RELCH: variants seen among roughly 807,000 people sequenced by gnomAD.
RELCH encodes RAB11 binding and LisH domain, coiled-coil and HEAT repeat containing.
A neutral mutation model predicts 150.3 loss-of-function variants in RELCH; 41 were observed. That is an observed-to-expected ratio of 0.27 (90% CI 0.21 to 0.35). The LOEUF (loss-of-function observed/expected upper bound fraction) is 0.35. Ranked by LOEUF, RELCH falls within the 10% of genes least tolerant of loss-of-function variation. RELCH has a pLI of 1.00. For missense variants in RELCH, 1,092 were observed against 1,467.8 expected (o/e 0.74, Z 4.18); for synonymous variants, 478 against 531.8 (o/e 0.90, Z 1.39).
chr18:62,273,881 C>G lies in RELCH; in HGVS notation c.2761-99C>G. On this transcript the variant is annotated intron_variant, in intron 20 of 28. Coordinates refer to ENST00000644646, the MANE Select transcript of RELCH (RefSeq NM_001346231.2). ...ATAGCTTCCAAATTTGGATATTTTC[C>G]CCTTATTTGGTAACATTTTCTAATT... 4 of 720,480 alleles carry G rather than the reference C, an allele frequency of 5.6e-6. No individual in the cohort carries two copies. In the South Asian group the frequency reaches 7.1e-5, roughly 13 times the overall value. 44.6% of individuals were successfully genotyped at this position (720,480 alleles called of 1,614,324 possible). A position where few individuals can be genotyped will look rare whatever the true frequency, so the allele number is the denominator to read the frequency against.
At chr18:62,222,233 G>A (rs1218611697) in intron 5 of RELCH, among the ~76,000 whole-genome samples, 1 of 151,930 alleles carries the variant, frequency 6.6e-6, no homozygotes, top group Non-Finnish European at 1.5e-5. Context: ...AGATAGTTCA[G>A]TTAACCCCTC....
In RELCH at chr18:62,229,518, G is replaced by GTGTGTGTCTGTC. The variant is rs539055675; in HGVS notation, c.1448+923_1448+924insGTGTCTGTCTGT. ...TGTGTGTGTGTGTGTGTGTGTGTGT[G>GTGTGTGTCTGTC]TGTCTGTCTGTCTGTCTGTCTGTGT... On this transcript the variant is annotated intron_variant, in intron 8 of 28. Coordinates refer to ENST00000644646, the MANE Select transcript of RELCH (RefSeq NM_001346231.2). Among the ~76,000 whole-genome samples, 83 of 147,726 alleles carry GTGTGTGTCTGTC rather than the reference G, an allele frequency of 5.6e-4. No homozygotes were observed. The Middle Eastern group carries it at 0.01, about 19-fold the overall frequency.
intron 11 of RELCH, among the ~76,000 whole-genome samples, chr18:62,248,690 A>G (rs541956998): frequency 1.3e-5 from 2 of 152,362 alleles, no homozygotes; most frequent in South Asian, 4.1e-4. Context: ...TTATAAAAAA[A>G]TAAAATATTT....
At chr18:62,304,062 T>C (rs1306085569) in intron 28 of RELCH, among the ~76,000 whole-genome samples, 1 of 152,070 alleles carries the variant, frequency 6.6e-6, no homozygotes, top group Non-Finnish European at 1.5e-5. Context: ...GAGAGGAAAA[T>C]AGTAGAACCA....
intron 1 of RELCH, among the ~76,000 whole-genome samples, chr18:62,203,613 A>AGGCCCT (rs966840507): frequency 6.6e-6 from 1 of 152,216 alleles, no homozygotes; most frequent in Admixed American, 6.5e-5. Flanking sequence ...TGCTATGTAC[A>AGGCCCT]CTTATTTTGG....
intron 5 of RELCH, among the ~76,000 whole-genome samples, chr18:62,225,849 G>A (rs73458504): frequency 0.1 from 15,197 of 151,502 alleles, 905 homozygotes; most frequent in East Asian, 0.19. Context: ...GCCAAGCACT[G>A]TGTTAAGGCT....
At chr18:62,198,211 C>G (rs2039176577) in intron 1 of RELCH, among the ~76,000 whole-genome samples, 1 of 152,200 alleles carries the variant, frequency 6.6e-6, no homozygotes, top group African/African-American at 2.4e-5. Context: ...CTGGGCAAAG[C>G]CCAGGATCAA....
At chr18:62,219,325 C>CTTTTTTTTTTTTTTTTCT (rs2040690251) in intron 2 of RELCH, among the ~76,000 whole-genome samples, 2 of 112,874 alleles carry the variant, frequency 1.8e-5, no homozygotes, top group African/African-American at 3.4e-5. Context: ...TTCTTTTTTT[C>CTTTTTTTTTTTTTTTTCT]TTTTTTTTTT....
At chr18:62,219,271 G>A (rs1040614193) in intron 2 of RELCH, among the ~76,000 whole-genome samples, 1 of 145,562 alleles carries the variant, frequency 6.9e-6, no homozygotes, top group African/African-American at 2.5e-5. Context: ...TTCACCAATT[G>A]CATTTTGAGT....
chr18:62,298,742 AT>A (rs1270862009), intron 27 of RELCH, 47 bp from the exon 28 acceptor site: 1 of 867,760 alleles, frequency 1.2e-6, no homozygotes, highest in Non-Finnish European at 1.9e-6. Flanking sequence ...AAACCATAGT[AT>A]TTTACTATGT....
At chr18:62,302,598 G>A (rs2045712670) in intron 28 of RELCH, among the ~76,000 whole-genome samples, 1 of 152,112 alleles carries the variant, frequency 6.6e-6, no homozygotes, top group African/African-American at 2.4e-5. Flanking sequence ...TCGGCTCACT[G>A]CAACCTCCGC....
intron 10 of RELCH, among the ~76,000 whole-genome samples, chr18:62,233,745 T>G (rs1185747328): frequency 6.6e-6 from 1 of 151,948 alleles, no homozygotes; most frequent in Non-Finnish European, 1.5e-5. Flanking sequence ...TTTACTGTAT[T>G]TCCTTAATAT....
chr18:62,242,519 G>A lies in RELCH; in HGVS notation c.1621-2245G>A, dbSNP rs140708411. ...TTTGTGCATTAATCTTAATTCCTACGTGTTTCACTTGAAGAAACTGAAAGA... is the reference window on the plus strand; with the variant it reads ...TTTGTGCATTAATCTTAATTCCTACATGTTTCACTTGAAGAAACTGAAAGA... On this transcript the variant is annotated intron_variant, in intron 10 of 28. Transcript: ENST00000644646. 1.9e-3 allele frequency among the ~76,000 whole-genome samples: 288 copies of A among 152,170 alleles called. 2 individuals are homozygous for A. The highest frequency in any genetic ancestry group is 5.3e-3 in the African/African-American group (218 of 41,522).
chr18:62,196,069 T>G (rs1422065520), intron 1 of RELCH, among the ~76,000 whole-genome samples: 8 of 152,138 alleles, frequency 5.3e-5, no homozygotes, highest in African/African-American at 1.9e-4. Context: ...ATGCTCGGTG[T>G]TCCTTTCTTA....
At chr18:62,232,086 C>T (rs1049510981) in intron 9 of RELCH, among the ~76,000 whole-genome samples, 1 of 151,836 alleles carries the variant, frequency 6.6e-6, no homozygotes, top group Non-Finnish European at 1.5e-5. Flanking sequence ...TTGGCTTCAC[C>T]CTTGATTTTA....
Position 62,287,402 on chromosome 18 carries a change from T to C in RELCH, c.3305T>C (p.Val1102Ala), listed in dbSNP as rs909610887. Residue 1102 changes from valine (V) to alanine (A), a missense_variant, in exon 26 of 29, where the codon GTG becomes GCG. By Grantham distance (64) the Val-to-Ala change is moderately conservative. Around this residue, in one of 4 missense-constraint regions of RELCH, gnomAD observed 707 missense variants for 1,025.4 expected, o/e 0.69. Coordinates refer to ENST00000644646, the MANE Select transcript of RELCH (RefSeq NM_001346231.2). ...GCCTTGGTGAACAACTTACAGATTG[T>C]GGATTCTAAAAGACTGGACATTGCT... The part of the protein sequence containing the change: ...KLALVNNLQI[V>A]DSKRLDIATH... 1.6e-5 allele frequency: 25 copies of C among 1,610,912 alleles called. No individual in the cohort carries two copies. Among genetic ancestry groups the C allele is most frequent in the Non-Finnish European group, 1.9e-5 (22 of 1,177,894 alleles).
intron 22 of RELCH, among the ~76,000 whole-genome samples, chr18:62,276,912 G>A (rs764194792): frequency 2.0e-5 from 3 of 152,010 alleles, no homozygotes; most frequent in Non-Finnish European, 4.4e-5. Flanking sequence ...TCGATATGCT[G>A]AAAAGGGGGC....
chr18:62,220,973 T>C, intron 2 of RELCH, 64 bp from the exon 3 acceptor site: 1 of 1,315,848 alleles, frequency 7.6e-7, no homozygotes, highest in Non-Finnish European at 1.1e-6. Flanking sequence ...TTTTTATTTT[T>C]TAATTTTTGT....
intron 27 of RELCH, among the ~76,000 whole-genome samples, chr18:62,295,318 G>GT (rs201022051): frequency 0.056 from 7,128 of 127,352 alleles, 253 homozygotes; most frequent in South Asian, 0.16. Context: ...AGCCTGGTGT[G>GT]TTTTTTTTTT....
Sources: gnomAD v4.1 joint callset for allele counts (sites outside exome capture counted in the v4.1 genomes callset) on GRCh38, gnomAD v4.1.1 for gene constraint, gnomAD v4.1.1 regional missense constraint, MANE v1.5 for transcripts, NCBI Gene and HGNC (gene_info 2026-07-23, HGNC 2026-07-21) for gene names.